CDC27: variants seen among roughly 807,000 people sequenced by gnomAD.
The protein encoded by CDC27 is cell division cycle 27.
A neutral mutation model predicts 109.7 loss-of-function variants in CDC27; 27 were observed. The ratio of observed to expected loss-of-function variants is 0.25; its 90% CI spans 0.18 to 0.34. The LOEUF (loss-of-function observed/expected upper bound fraction) is 0.34, where lower values mean the gene tolerates loss of function less well. Ranked by LOEUF, CDC27 falls within the 10% of genes least tolerant of loss-of-function variation. The pLI is 1.00. For synonymous variants in CDC27, 266 were observed against 333.9 expected (o/e 0.80, Z 2.22); for missense variants, 579 against 960.2 (o/e 0.60, Z 5.25).
intron 2 of CDC27, among the ~76,000 whole-genome samples, chr17:47,174,949 GTCGAAACAGGACTA>G (rs996900295): frequency 2.0e-5 from 3 of 149,088 alleles, no homozygotes; most frequent in African/African-American, 7.4e-5. Context: ...GCGAAACTCG[GTCGAAACAGGACTA>G]TCGAAACAGG....
In CDC27 at chr17:47,178,998, C is replaced by T. The variant is rs1239388716; in HGVS notation, c.103+2564G>A. Among the ~76,000 whole-genome samples the T allele has an allele frequency of 4.6e-5, 7 of 152,270 alleles. No homozygotes were observed. In the East Asian group the frequency reaches 1.3e-3, roughly 29 times the overall value. On this transcript the variant is annotated intron_variant, in intron 2 of 18. Transcript: ENST00000066544. ...GTATTTTTTAGTAGAGATGGGGTTTCTCCATGTTGGTCAGGCTGGTCTCAA... is the reference window on the plus strand; with the variant it reads ...GTATTTTTTAGTAGAGATGGGGTTTTTCCATGTTGGTCAGGCTGGTCTCAA...
intron 9 of CDC27, among the ~76,000 whole-genome samples, chr17:47,147,547 TA>T (rs1209339422): frequency 6.7e-6 from 1 of 150,218 alleles, no homozygotes; most frequent in Non-Finnish European, 1.5e-5. Flanking sequence ...GCAAAAACAT[TA>T]AAAAAATACA....
At position 47,145,924 on chromosome 17, in the gene CDC27, T is replaced by C. The variant is rs538319107; in HGVS notation, c.1071-1942A>G. 3.3e-5 allele frequency among the ~76,000 whole-genome samples: 5 copies of C among 151,588 alleles called. No individual in the cohort carries two copies. The East Asian group carries it at 9.7e-4, about 29-fold the overall frequency. ...AAAAAAAAAAAGTCAACCATGTGAT[T>C]AGAGGGCTGGGGCTTTGAGCCAGCA... On this transcript the variant is annotated intron_variant, in intron 9 of 18. Transcript: ENST00000066544.
chr17:47,155,963 A>C (rs1301666306), intron 7 of CDC27, among the ~76,000 whole-genome samples: 1 of 152,184 alleles, frequency 6.6e-6, no homozygotes, highest in Non-Finnish European at 1.5e-5. Context: ...AAACAAAAAA[A>C]GGTAGGTGTC....
Position 47,143,991 on chromosome 17 carries a change from A to C in CDC27, c.1071-9T>G. On this transcript the variant is annotated splice_polypyrimidine_tract_variant and intron_variant, in intron 9 of 18. Transcript: ENST00000066544. ...ATACCTGAGGTGTTGTACTAAAAAA[A>C]AATTATAAAGGAAGACATTAATATT... 7.7e-7 allele frequency: 1 copy of C among 1,291,034 alleles called. No individual in the cohort carries two copies. 80.0% of individuals were successfully genotyped at this position (1,291,034 alleles called of 1,614,324 possible).
chr17:47,120,822 A>C lies in CDC27; in HGVS notation c.*113T>G. ...AATGAAAGTGGCACACTCATGGTAT[A>C]AGTGACGGACGATGACACCGCCAGC... On this transcript the variant is annotated 3_prime_UTR_variant, in exon 19 of 19. Transcript: ENST00000066544. The C allele has an allele frequency of 1.4e-6, 1 of 720,622 alleles. No homozygotes were observed. Among genetic ancestry groups the C allele is most frequent in the South Asian group, 1.6e-5 (1 of 61,938 alleles). 44.6% of individuals were successfully genotyped at this position (720,622 alleles called of 1,614,324 possible). A position where few individuals can be genotyped will look rare whatever the true frequency, so the allele number is the denominator to read the frequency against.
At chr17:47,161,796 G>T (rs112025751) in intron 4 of CDC27, 254 of 151,696 alleles carry the variant, frequency 1.7e-3, no homozygotes, top group African/African-American at 5.7e-3. Context: ...ATTGTTTGAG[G>T]ATTATCCTAA....
intron 5 of CDC27, 85 bp downstream of exon 5, chr17:47,158,121 T>C (rs529142903): frequency 1.1e-4 from 52 of 485,352 alleles, no homozygotes; most frequent in African/African-American, 1.0e-3. Context: ...GGGTAGATGA[T>C]CTGTATTGCT....
chr17:47,183,890 T>C (rs2064333588), intron 1 of CDC27, among the ~76,000 whole-genome samples: 1 of 152,244 alleles, frequency 6.6e-6, no homozygotes, highest in African/African-American at 2.4e-5. Flanking sequence ...TAAGTTTCTT[T>C]GTATTCCTAG....
chr17:47,166,914 GT>G (rs1458296691), intron 4 of CDC27, among the ~76,000 whole-genome samples: 2 of 152,102 alleles, frequency 1.3e-5, no homozygotes, highest in Non-Finnish European at 2.9e-5. Flanking sequence ...GAGTGCAATG[GT>G]GTGATCTCGA....
intron 12 of CDC27, chr17:47,139,655 A>C (rs997300959): frequency 6.6e-6 from 1 of 152,198 alleles, no homozygotes; most frequent in African/African-American, 2.4e-5. Flanking sequence ...AGGTTGTGCC[A>C]GAAAATTTAG....
chr17:47,184,055 T>A (rs1229968311), intron 1 of CDC27, among the ~76,000 whole-genome samples: 1 of 152,242 alleles, frequency 6.6e-6, no homozygotes. Flanking sequence ...AATTTTGCTG[T>A]AAGTGAAAGA....
chr17:47,180,945 TAAAAAA>T (rs34061862), intron 2 of CDC27, among the ~76,000 whole-genome samples: 2 of 111,674 alleles, frequency 1.8e-5, no homozygotes, highest in South Asian at 3.0e-4. Flanking sequence ...ACTCTTTTCT[TAAAAAA>T]AAAAAAAAAA....
At chr17:47,147,899 A>C (rs1010747294) in intron 9 of CDC27, among the ~76,000 whole-genome samples, 1 of 133,428 alleles carries the variant, frequency 7.5e-6, no homozygotes, top group African/African-American at 2.7e-5. Flanking sequence ...ACCCTGTCTC[A>C]AAAAAAAAAA....
intron 1 of CDC27, among the ~76,000 whole-genome samples, chr17:47,187,445 C>T (rs1384326538): frequency 1.3e-5 from 2 of 151,808 alleles, no homozygotes; most frequent in Non-Finnish European, 2.9e-5. Context: ...GGATTACAGG[C>T]GCCCACCACC....
At chr17:47,153,482 C>G (rs2063208948) in intron 8 of CDC27, among the ~76,000 whole-genome samples, 1 of 152,176 alleles carries the variant, frequency 6.6e-6, no homozygotes, top group East Asian at 1.9e-4. Flanking sequence ...TTCCTATTAT[C>G]ACTCACTAAG....
At position 47,153,638 on chromosome 17, in the gene CDC27, C is replaced by CTA. The variant is rs1189765954; in HGVS notation, c.957+1033_957+1034insTA. On this transcript the variant is annotated intron_variant, in intron 8 of 18. Coordinates refer to ENST00000066544, the MANE Select transcript of CDC27 (RefSeq NM_001256.6). ...ATATTAGTATGACTTGTTTAGCTTC[C>CTA]ATTTCTTGAATATTTATGAAGCATG... Among the ~76,000 whole-genome samples, 5 of 152,268 alleles carry CTA rather than the reference C, an allele frequency of 3.3e-5. No individual in the cohort carries two copies. The East Asian group carries it at 7.7e-4, about 23-fold the overall frequency.
intron 9 of CDC27, among the ~76,000 whole-genome samples, chr17:47,148,224 A>C (rs2063038732): frequency 6.6e-6 from 1 of 151,906 alleles, no homozygotes; most frequent in South Asian, 2.1e-4. Context: ...GAAAGAAAGA[A>C]AACCAAATCA....
intron 1 of CDC27, among the ~76,000 whole-genome samples, chr17:47,184,475 T>C (rs561139360): frequency 5.4e-4 from 82 of 152,260 alleles, no homozygotes; most frequent in African/African-American, 2.0e-3. Context: ...TTCACACACA[T>C]ATACTAAAGT....
Sources: gnomAD v4.1 joint callset for allele counts (sites outside exome capture counted in the v4.1 genomes callset) on GRCh38, gnomAD v4.1.1 for gene constraint, MANE v1.5 for transcripts, NCBI Gene and HGNC (gene_info 2026-07-23, HGNC 2026-07-21) for gene names.